CCDC146: variants seen among roughly 807,000 people sequenced by gnomAD.
The protein encoded by CCDC146 is coiled-coil domain-containing protein 146.
A neutral mutation model predicts 119.3 loss-of-function variants in CCDC146; 92 were observed. The observed-to-expected ratio is 0.77, with a 90% CI of 0.65 to 0.92. The LOEUF is 0.92. CCDC146 is among the 40% of genes least tolerant of loss of function. The pLI is 0.00. For synonymous variants in CCDC146, 372 were observed against 371.8 expected (o/e 1.00, Z -0.01); for missense variants, 1,000 against 1,103.0 (o/e 0.91, Z 1.32).
chr7:77,262,530 T>G (rs1449635807), intron 9 of CCDC146, among the ~76,000 whole-genome samples: 1 of 152,230 alleles, frequency 6.6e-6, no homozygotes, highest in African/African-American at 2.4e-5. Flanking sequence ...CTTGTTTGGA[T>G]CAGTCATCCT....
At chr7:77,156,129 T>A (rs942301131) in intron 1 of CCDC146, among the ~76,000 whole-genome samples, 1 of 152,218 alleles carries the variant, frequency 6.6e-6, no homozygotes, top group African/African-American at 2.4e-5. Context: ...TCCACCATCA[T>A]GTTGCAATTA....
intron 2 of CCDC146, among the ~76,000 whole-genome samples, chr7:77,203,594 C>G (rs1419532691): frequency 1.3e-5 from 2 of 152,134 alleles, no homozygotes; most frequent in Non-Finnish European, 2.9e-5. Context: ...GAAGAGCTGA[C>G]TTGTCCTTCA....
At chr7:77,164,843 A>G (rs1584035713) in intron 1 of CCDC146, among the ~76,000 whole-genome samples, 1 of 152,312 alleles carries the variant, frequency 6.6e-6, no homozygotes, top group East Asian at 1.9e-4. Flanking sequence ...CGTGCTTTCC[A>G]TGTTATAGAG....
At chr7:77,257,941 T>C (rs1429390531) in intron 6 of CCDC146, 3 of 152,268 alleles carry the variant, frequency 2.0e-5, no homozygotes, top group Non-Finnish European at 4.4e-5. Context: ...ATTTAACTTC[T>C]TGTAGCATGA....
intron 9 of CCDC146, among the ~76,000 whole-genome samples, chr7:77,272,749 A>T (rs1470339813): frequency 6.6e-6 from 1 of 152,168 alleles, no homozygotes; most frequent in Non-Finnish European, 1.5e-5. Flanking sequence ...GAATCTGACA[A>T]GCTCATTCCT....
At chr7:77,285,196 C>CA (rs1470713696) in intron 15 of CCDC146, among the ~76,000 whole-genome samples, 1 of 152,034 alleles carries the variant, frequency 6.6e-6, no homozygotes, top group Non-Finnish European at 1.5e-5. Context: ...TTTACATAGA[C>CA]AGAGTAAACA....
rs917296635 is a variant in CCDC146 at position 77,274,896 on chromosome 7, G to A, written c.1440+244G>A. On this transcript the variant is annotated intron_variant, in intron 11 of 18. Transcript: ENST00000285871. ...CCTGTTGTGGGGTGAGGGGAGCGGG[G>A]AGGGATAGCATTAGGAGATATACCT... Among the ~76,000 whole-genome samples the A allele has an allele frequency of 5.9e-5, 9 of 152,144 alleles. No individual in the cohort carries two copies. The East Asian group carries it at 9.6e-4, about 16-fold the overall frequency.
intron 2 of CCDC146, chr7:77,198,434 C>T (rs1376893805): frequency 2.0e-5 from 7 of 354,184 alleles, no homozygotes; most frequent in East Asian, 1.7e-4. Flanking sequence ...ACTGTTAGTT[C>T]GTGGGTGGAG....
intron 9 of CCDC146, among the ~76,000 whole-genome samples, chr7:77,262,831 C>T (rs1440295974): frequency 6.6e-6 from 1 of 152,210 alleles, no homozygotes; most frequent in Non-Finnish European, 1.5e-5. Context: ...CTCAAGACAA[C>T]TGTTACCTGC....
chr7:77,201,387 C>CAA (rs56093311), intron 2 of CCDC146, among the ~76,000 whole-genome samples: 1 of 133,292 alleles, frequency 7.5e-6, no homozygotes, highest in Admixed American at 7.4e-5. Flanking sequence ...ACTAAAAATA[C>CAA]AAAAAAAAAA....
chr7:77,132,143 A>G (rs1790793554), intron 1 of CCDC146, among the ~76,000 whole-genome samples: 1 of 151,924 alleles, frequency 6.6e-6, no homozygotes, highest in Non-Finnish European at 1.5e-5. Flanking sequence ...TCTACCAGAC[A>G]TTTTCAGAGA....
At chr7:77,155,947 A>C (rs1021451450) in intron 1 of CCDC146, among the ~76,000 whole-genome samples, 7 of 152,080 alleles carry the variant, frequency 4.6e-5, no homozygotes, top group African/African-American at 1.4e-4. Context: ...AAAAATATAT[A>C]AGATGCTTTA....
intron 13 of CCDC146, 58 bp from the exon 14 acceptor site, chr7:77,280,371 C>A: frequency 1.5e-6 from 2 of 1,376,376 alleles, no homozygotes; most frequent in South Asian, 1.4e-5. Flanking sequence ...AGCCTTCATT[C>A]CTTTTAAATA....
intron 6 of CCDC146, chr7:77,257,272 G>C (rs908684210): frequency 3.9e-5 from 6 of 152,114 alleles, no homozygotes; most frequent in African/African-American, 1.4e-4. Flanking sequence ...TTATGTTTTA[G>C]GAGATAATGA....
At chr7:77,214,144 A>G (rs958707346) in intron 2 of CCDC146, among the ~76,000 whole-genome samples, 2 of 152,116 alleles carry the variant, frequency 1.3e-5, no homozygotes, top group African/African-American at 2.4e-5. Flanking sequence ...TGACTTTTTA[A>G]TAATAGCCAT....
chr7:77,256,550 A>G (rs1174363721), intron 6 of CCDC146, 41 bp downstream of exon 6: 1 of 1,524,060 alleles, frequency 6.6e-7, no homozygotes. Context: ...TGTGCCTTGC[A>G]TGGATATAAA....
At chr7:77,288,833 C>T (rs568465179) in intron 17 of CCDC146, among the ~76,000 whole-genome samples, 5 of 152,318 alleles carry the variant, frequency 3.3e-5, no homozygotes, top group Non-Finnish European at 5.9e-5. Context: ...AGCTGTTCCT[C>T]GTTCTTAATT....
At chr7:77,207,037 C>T (rs1165851212) in intron 2 of CCDC146, among the ~76,000 whole-genome samples, 5 of 151,890 alleles carry the variant, frequency 3.3e-5, no homozygotes, top group Non-Finnish European at 5.9e-5. Flanking sequence ...ATATAGATGT[C>T]GTCATGTGAA....
chr7:77,201,387 CA>C (rs56093311), intron 2 of CCDC146, among the ~76,000 whole-genome samples: 82,957 of 133,284 alleles, frequency 0.62, 24,750 homozygotes, highest in African/African-American at 0.75. Flanking sequence ...ACTAAAAATA[CA>C]AAAAAAAAAA....
Sources: gnomAD v4.1 joint callset for allele counts (sites outside exome capture counted in the v4.1 genomes callset) on GRCh38, gnomAD v4.1.1 for gene constraint, MANE v1.5 for transcripts, NCBI Gene and HGNC (gene_info 2026-07-23, HGNC 2026-07-21) for gene names.